PTPRN2: variants seen among roughly 807,000 people sequenced by gnomAD.
PTPRN2 encodes the protein receptor-type tyrosine-protein phosphatase N2.
A neutral mutation model predicts 118.8 loss-of-function variants in PTPRN2; 74 were observed. The ratio of observed to expected loss-of-function variants is 0.62; its 90% CI spans 0.52 to 0.76. PTPRN2 has a LOEUF of 0.76. Ranked by LOEUF, PTPRN2 falls within the 30% of genes least tolerant of loss-of-function variation. The probability of loss-of-function intolerance (pLI) is 0.00; values close to 1 mark genes in which losing one functional copy is unlikely to be tolerated. For missense variants in PTPRN2, 1,481 were observed against 1,394.4 expected (o/e 1.06, Z -0.99); for synonymous variants, 641 against 608.0 (o/e 1.05, Z -0.80).
At chr7:157,638,174 A>G (rs1434217163) in intron 14 of PTPRN2, among the ~76,000 whole-genome samples, 1 of 152,274 alleles carries the variant, frequency 6.6e-6, no homozygotes, top group African/African-American at 2.4e-5. Flanking sequence ...GACAAAGTTA[A>G]TATCCAGCTC....
Position 157,944,873 on chromosome 7 carries a change from ACACAGTC to A in PTPRN2, c.1724-46143_1724-46137del, listed in dbSNP as rs918372922. Among the ~76,000 whole-genome samples, 27 of 152,202 alleles carry A rather than the reference ACACAGTC, an allele frequency of 1.8e-4. No homozygotes were observed. The highest frequency in any genetic ancestry group is 6.0e-4 in the African/African-American group (25 of 41,452). ...GCAGGCATTGTCTACAACACAGACTACACAGTCCACAGTCCACAACTCCTGAATCCTG... is the reference window on the plus strand; with the variant it reads ...GCAGGCATTGTCTACAACACAGACTACACAGTCCACAACTCCTGAATCCTG... On this transcript the variant is annotated intron_variant, in intron 11 of 22. Coordinates refer to ENST00000389418, the MANE Select transcript of PTPRN2 (RefSeq NM_002847.5). This position sits in a 1 kb window ranked among gnomAD's most constrained non-coding sequence, Gnocchi z 4.3.
chr7:157,982,607 G>A (rs959464549), intron 11 of PTPRN2, among the ~76,000 whole-genome samples: 1 of 143,052 alleles, frequency 7.0e-6, no homozygotes, highest in Non-Finnish European at 1.5e-5. Context: ...CAGAGTGCAG[G>A]GTCCCCCCTA....
chr7:158,388,480 A>C (rs1260819204), intron 2 of PTPRN2, among the ~76,000 whole-genome samples: 1 of 152,136 alleles, frequency 6.6e-6, no homozygotes, highest in Non-Finnish European at 1.5e-5. Context: ...AGCTCTTATA[A>C]AGGACACAGC....
intron 6 of PTPRN2, among the ~76,000 whole-genome samples, chr7:158,149,889 G>T (rs1251879403): frequency 6.6e-6 from 1 of 150,762 alleles, no homozygotes; most frequent in African/African-American, 2.4e-5. Context: ...AAGTTATGCT[G>T]AACAAAAAGT....
chr7:157,741,192 C>A (rs571369727), intron 12 of PTPRN2, among the ~76,000 whole-genome samples: 2 of 152,262 alleles, frequency 1.3e-5, no homozygotes, highest in Admixed American at 6.5e-5. Flanking sequence ...CTGGCTCCAG[C>A]ACCTTTCCTG....
At chr7:158,135,029 C>T (rs373552150) in intron 8 of PTPRN2, among the ~76,000 whole-genome samples, 3 of 152,162 alleles carry the variant, frequency 2.0e-5, no homozygotes, top group Non-Finnish European at 4.4e-5. Flanking sequence ...TAGGAAAGAC[C>T]GGGTCTGCTC....
intron 12 of PTPRN2, among the ~76,000 whole-genome samples, chr7:157,767,494 A>G (rs993003747): frequency 2.0e-5 from 3 of 152,150 alleles, no homozygotes; most frequent in African/African-American, 7.2e-5. Context: ...CCTCACAGTC[A>G]CACCCTGCAG....
At chr7:157,626,917 G>A (rs1803616211) in intron 14 of PTPRN2, among the ~76,000 whole-genome samples, 3 of 152,132 alleles carry the variant, frequency 2.0e-5, no homozygotes, top group Admixed American at 6.5e-5. Flanking sequence ...CCTTTCTGGG[G>A]TTGCCCAGCA....
At chr7:157,945,251 C>G (rs546616240) in intron 11 of PTPRN2, among the ~76,000 whole-genome samples, 1 of 152,258 alleles carries the variant, frequency 6.6e-6, no homozygotes, top group Non-Finnish European at 1.5e-5. Context: ...TTCAACCCCA[C>G]CCATTCGCAG....
chr7:157,754,511 G>A (rs1801669585), intron 12 of PTPRN2, among the ~76,000 whole-genome samples: 1 of 152,244 alleles, frequency 6.6e-6, no homozygotes, highest in Admixed American at 6.5e-5. Context: ...CTGTGTCAGA[G>A]GTGACAGTGA....
At chr7:157,662,064 T>C (rs1795916845) in intron 13 of PTPRN2, among the ~76,000 whole-genome samples, 1 of 152,180 alleles carries the variant, frequency 6.6e-6, no homozygotes, top group African/African-American at 2.4e-5. Context: ...ATTGACTCAT[T>C]CACTCATAGC....
At chr7:157,965,226 T>G (rs1052101930) in intron 11 of PTPRN2, among the ~76,000 whole-genome samples, 1 of 152,214 alleles carries the variant, frequency 6.6e-6, no homozygotes, top group African/African-American at 2.4e-5. Context: ...GATTACCATA[T>G]TTCATCAATT....
At chr7:157,670,881 G>C (rs905313125) in intron 13 of PTPRN2, among the ~76,000 whole-genome samples, 1 of 152,338 alleles carries the variant, frequency 6.6e-6, no homozygotes, top group East Asian at 1.9e-4. Flanking sequence ...AGCAGCCCAG[G>C]CCTGACGTGG....
chr7:158,008,489 C>A (rs369291189), intron 11 of PTPRN2, among the ~76,000 whole-genome samples: 3 of 152,236 alleles, frequency 2.0e-5, no homozygotes, highest in African/African-American at 7.2e-5. Flanking sequence ...GCGGCTTACA[C>A]GGCGGAAACA....
intron 14 of PTPRN2, among the ~76,000 whole-genome samples, chr7:157,651,027 G>A (rs1254025136): frequency 6.6e-6 from 1 of 152,224 alleles, no homozygotes; most frequent in Non-Finnish European, 1.5e-5. Context: ...GTCACAGCTT[G>A]TGCCGGCATC....
chr7:158,118,146 C>T (rs573070051), intron 9 of PTPRN2, among the ~76,000 whole-genome samples: 3 of 152,102 alleles, frequency 2.0e-5, no homozygotes, highest in African/African-American at 7.2e-5. Flanking sequence ...GTTTGTAACT[C>T]CACATTTTGT....
chr7:158,195,012 G>A (rs989511404), intron 4 of PTPRN2, among the ~76,000 whole-genome samples: 6 of 152,192 alleles, frequency 3.9e-5, no homozygotes, highest in Non-Finnish European at 7.3e-5. Flanking sequence ...TTAAGTGACA[G>A]GAAAACACCA....
chr7:158,145,731 T>A (rs1190258748), intron 6 of PTPRN2, among the ~76,000 whole-genome samples: 1 of 152,144 alleles, frequency 6.6e-6, no homozygotes, highest in African/African-American at 2.4e-5. Flanking sequence ...GGGTGTTAGC[T>A]CACATTTCTT....
chr7:157,965,257 C>T lies in PTPRN2; in HGVS notation c.1724-66520G>A, dbSNP rs568892630. Among the ~76,000 whole-genome samples the T allele has an allele frequency of 5.0e-4, 76 of 152,286 alleles. No individual in the cohort carries two copies. The South Asian group carries it at 0.016, about 31-fold the overall frequency. The stretch of plus-strand genomic sequence containing the variant: ...CAATTTCAAGACGAACCCTTTTTCA[C>T]AGTGTAACCCCTCTGAAGTCAAGAT... On this transcript the variant is annotated intron_variant, in intron 11 of 22. Coordinates refer to ENST00000389418, the MANE Select transcript of PTPRN2 (RefSeq NM_002847.5).
Sources: allele counts gnomAD v4.1 joint callset (sites outside exome capture counted in the v4.1 genomes callset), GRCh38; gene constraint gnomAD v4.1.1; non-coding constraint Gnocchi (gnomAD v3.1); transcripts MANE v1.5; gene names NCBI Gene and HGNC (gene_info 2026-07-23, HGNC 2026-07-21).